The following ERC2 variants were observed in gnomAD, a reference collection of about 807,000 sequenced individuals.
The protein encoded by ERC2 is ELKS/RAB6-interacting/CAST family member 2, also known as ERC protein 2.
Under a neutral mutation model 114.8 loss-of-function variants are expected in ERC2, and 42 were observed. The observed-to-expected ratio is 0.37, with a 90% CI of 0.29 to 0.47. The LOEUF (loss-of-function observed/expected upper bound fraction) is 0.47. ERC2 is among the 20% of genes least tolerant of loss of function. ERC2 has a pLI of 0.99. For missense variants in ERC2, 939 were observed against 1,150.7 expected (o/e 0.82, Z 2.66); for synonymous variants, 454 against 425.5 (o/e 1.07, Z -0.82).
rs113115353 is a variant in ERC2 at position 55,633,294 on chromosome 3, G to C, written c.*39+50500C>G. On this transcript the variant is annotated intron_variant, in intron 17 of 17. Transcript: ENST00000288221. ...ATGCATTCCATAATGTCTGCTGAAT[G>C]AATGAGTGAGTGAATGAACAAACAG... is the stretch of plus-strand genomic sequence containing the variant. 4.7e-3 allele frequency among the ~76,000 whole-genome samples: 712 copies of C among 152,292 alleles called. 4 individuals carry two copies. Among genetic ancestry groups the C allele is most frequent in the African/African-American group, 0.016 (671 of 41,568 alleles).
intron 14 of ERC2, among the ~76,000 whole-genome samples, chr3:55,834,758 C>A (rs190508508): frequency 0.12 from 11,653 of 94,914 alleles, 1,225 homozygotes; most frequent in African/African-American, 0.3. Context: ...AATAACTAAA[C>A]TCACAGCAGA....
At chr3:55,866,106 C>T (rs1410677432) in intron 14 of ERC2, among the ~76,000 whole-genome samples, 4 of 152,144 alleles carry the variant, frequency 2.6e-5, no homozygotes, top group African/African-American at 9.7e-5. Flanking sequence ...TCCACATCCT[C>T]ACCAACACTT....
intron 2 of ERC2, among the ~76,000 whole-genome samples, chr3:56,433,192 AAGAGAGAG>A (rs35806370): frequency 0.021 from 2,917 of 137,774 alleles, 40 homozygotes; most frequent in Non-Finnish European, 0.032. Context: ...AAAAAAAAAA[AAGAGAGAG>A]AGAGAGAGAG....
intron 1 of ERC2, among the ~76,000 whole-genome samples, chr3:56,446,696 G>A (rs1559513974): frequency 6.9e-6 from 1 of 144,490 alleles, no homozygotes. Context: ...CACAATCTCG[G>A]CTCACTGCAC....
chr3:56,388,281 C>T (rs1166266071), intron 2 of ERC2, among the ~76,000 whole-genome samples: 2 of 152,036 alleles, frequency 1.3e-5, no homozygotes, highest in East Asian at 1.9e-4. Flanking sequence ...TGCCATTCTC[C>T]GGGTAATGAA....
chr3:55,748,243 A>G (rs547741460), intron 14 of ERC2, among the ~76,000 whole-genome samples: 6 of 152,334 alleles, frequency 3.9e-5, no homozygotes, highest in Admixed American at 6.5e-5. Context: ...TGAAGCAGCT[A>G]AACTGAATAT....
At chr3:56,390,291 CA>C (rs1221545439) in intron 2 of ERC2, among the ~76,000 whole-genome samples, 1 of 152,136 alleles carries the variant, frequency 6.6e-6, no homozygotes, top group Non-Finnish European at 1.5e-5. Context: ...ACAACCAACT[CA>C]ACACTGGGTT....
chr3:55,957,655 G>A (rs925420478), intron 12 of ERC2, among the ~76,000 whole-genome samples: 1 of 152,200 alleles, frequency 6.6e-6, no homozygotes, highest in Admixed American at 6.5e-5. Flanking sequence ...GCCAGGCATG[G>A]AGTGATGAGG....
At chr3:56,311,592 C>T (rs939019665) in intron 2 of ERC2, among the ~76,000 whole-genome samples, 19 of 151,986 alleles carry the variant, frequency 1.3e-4, no homozygotes, top group Non-Finnish European at 2.8e-4. Context: ...AGCCACAGCG[C>T]CTGGCCAATA....
chr3:55,616,081 G>C (rs922884955), intron 17 of ERC2, among the ~76,000 whole-genome samples: 15 of 152,150 alleles, frequency 9.9e-5, no homozygotes, highest in Non-Finnish European at 2.2e-4. Context: ...CCATCCTCCT[G>C]GGTCTTATAG....
At chr3:56,130,989 A>T (rs1413038843) in intron 6 of ERC2, among the ~76,000 whole-genome samples, 2 of 152,188 alleles carry the variant, frequency 1.3e-5, no homozygotes, top group Non-Finnish European at 2.9e-5. Context: ...CAAAGCCTAC[A>T]GACATTAGGG....
chr3:55,765,800 C>A (rs887220861), intron 14 of ERC2, among the ~76,000 whole-genome samples: 4 of 152,174 alleles, frequency 2.6e-5, no homozygotes, highest in Admixed American at 6.5e-5. Flanking sequence ...CGTCTCTATT[C>A]CCTGCCTGCT....
At chr3:56,361,154 C>T (rs1431118612) in intron 2 of ERC2, among the ~76,000 whole-genome samples, 1 of 152,042 alleles carries the variant, frequency 6.6e-6, no homozygotes, top group Non-Finnish European at 1.5e-5. Flanking sequence ...AGTGGGGAAG[C>T]TTCTGTAGAC....
At chr3:55,877,741 G>A (rs572516222) in intron 14 of ERC2, among the ~76,000 whole-genome samples, 1 of 152,028 alleles carries the variant, frequency 6.6e-6, no homozygotes, top group Non-Finnish European at 1.5e-5. Context: ...TCGAACTCCT[G>A]AGCCCAAGTG....
chr3:55,550,812 C>A (rs56170207), intron 17 of ERC2, among the ~76,000 whole-genome samples: 8,053 of 151,918 alleles, frequency 0.053, 294 homozygotes, highest in Middle Eastern at 0.071. Context: ...GTCAGGAGAT[C>A]GAGACCATCC....
intron 14 of ERC2, among the ~76,000 whole-genome samples, chr3:55,760,118 G>C (rs2067329481): frequency 6.6e-6 from 1 of 152,172 alleles, no homozygotes; most frequent in Non-Finnish European, 1.5e-5. Context: ...GCTGAAAAAG[G>C]CAAATTCACA....
At chr3:56,157,946 G>A (rs377440337) in intron 4 of ERC2, among the ~76,000 whole-genome samples, 8 of 152,278 alleles carry the variant, frequency 5.3e-5, no homozygotes, top group East Asian at 3.9e-4. Flanking sequence ...AGGGGCACAC[G>A]CCAGTAAGGA....
chr3:55,797,708 T>A (rs1459184731), intron 14 of ERC2, among the ~76,000 whole-genome samples: 2 of 152,250 alleles, frequency 1.3e-5, no homozygotes, highest in Non-Finnish European at 2.9e-5. Context: ...CAAACATGCA[T>A]ATTATGCATA....
intron 3 of ERC2, among the ~76,000 whole-genome samples, chr3:56,265,051 A>G (rs1232428715): frequency 2.0e-5 from 3 of 152,240 alleles, no homozygotes. Context: ...TACAGGTTCA[A>G]CATAATCTCT....
Sources: allele counts gnomAD v4.1 joint callset (sites outside exome capture counted in the v4.1 genomes callset), GRCh38; gene constraint gnomAD v4.1.1; transcripts MANE v1.5; gene names NCBI Gene and HGNC (gene_info 2026-07-23, HGNC 2026-07-21).